Variants in SH3BGRL2 observed in about 807,000 individuals in gnomAD.
SH3BGRL2 encodes the protein SH3 domain-binding glutamic acid-rich-like protein 2.
Under a neutral mutation model 14.8 loss-of-function variants are expected in SH3BGRL2, and 21 were observed. The observed-to-expected ratio is 1.42, with a 90% CI of 1.01 to 2.05. The LOEUF (loss-of-function observed/expected upper bound fraction) is 2.05, where lower values mean the gene tolerates loss of function less well. Ranked by LOEUF, SH3BGRL2 falls within the 30% of genes most tolerant of loss-of-function variation. SH3BGRL2 has a pLI of 0.00. For synonymous variants in SH3BGRL2, 50 were observed against 47.8 expected (o/e 1.05, Z -0.19); for missense variants, 147 against 130.8 (o/e 1.12, Z -0.61).
chr6:79,665,000 G>A lies in SH3BGRL2; in HGVS notation c.46-8614G>A, dbSNP rs192749912. Among the ~76,000 whole-genome samples the A allele has an allele frequency of 1.7e-3, 257 of 152,258 alleles. 1 individual carries two copies. The highest frequency in any genetic ancestry group is 5.9e-3 in the African/African-American group (246 of 41,552). Reference sequence around the variant, plus strand: ...GCAGATCATGAGGTCAGGAGTTTGAGACCAGCCTGACCAACATGGTGAAAC... The same window carrying A: ...GCAGATCATGAGGTCAGGAGTTTGAAACCAGCCTGACCAACATGGTGAAAC... On this transcript the variant is annotated intron_variant, in intron 1 of 3. Coordinates refer to ENST00000369838, the MANE Select transcript of SH3BGRL2 (RefSeq NM_031469.4).
the SH3BGRL2 span, among the ~76,000 whole-genome samples, chr6:79,601,047 T>G: frequency 6.6e-6 from 1 of 152,208 alleles, no homozygotes. Context: ...AGTTGAAGGA[T>G]TTCATGTCCT....
intron 2 of SH3BGRL2, among the ~76,000 whole-genome samples, chr6:79,683,805 C>T (rs1231227218): frequency 1.3e-5 from 2 of 152,152 alleles, no homozygotes; most frequent in Non-Finnish European, 2.9e-5. Context: ...CTGGACATTC[C>T]ATTCACATTT....
At chr6:79,638,498 A>T (rs1768969192) in intron 1 of SH3BGRL2, among the ~76,000 whole-genome samples, 1 of 152,012 alleles carries the variant, frequency 6.6e-6, no homozygotes, top group South Asian at 2.1e-4. Flanking sequence ...TGGTAGTTCC[A>T]TTTGTGGTTT....
chr6:79,692,240 T>C (rs1770234854), intron 2 of SH3BGRL2, among the ~76,000 whole-genome samples: 1 of 152,230 alleles, frequency 6.6e-6, no homozygotes, highest in Non-Finnish European at 1.5e-5. Context: ...GAGTTCATTG[T>C]AGATTCTGGA....
intron 3 of SH3BGRL2, among the ~76,000 whole-genome samples, chr6:79,698,549 G>A (rs946986775): frequency 2.0e-5 from 3 of 152,196 alleles, no homozygotes; most frequent in Non-Finnish European, 2.9e-5. Context: ...CTTGGTAGGA[G>A]AGGACATTCA....
At chr6:79,591,448 C>T in the SH3BGRL2 span, among the ~76,000 whole-genome samples, 4 of 152,014 alleles carry the variant, frequency 2.6e-5, no homozygotes, top group Non-Finnish European at 4.4e-5. Context: ...TCTTGCTCTG[C>T]GCCAGGCTGG....
chr6:79,612,795 T>C, the SH3BGRL2 span, among the ~76,000 whole-genome samples: 1 of 152,216 alleles, frequency 6.6e-6, no homozygotes, highest in Non-Finnish European at 1.5e-5. Flanking sequence ...GCTCAGTGTT[T>C]AGTATTTGCC....
chr6:79,562,172 G>C, the SH3BGRL2 span, among the ~76,000 whole-genome samples: 2 of 152,078 alleles, frequency 1.3e-5, no homozygotes, highest in African/African-American at 2.4e-5. Context: ...CATTTGTGTA[G>C]TCCTGTAGAA....
At chr6:79,686,693 A>G (rs1582737893) in intron 2 of SH3BGRL2, among the ~76,000 whole-genome samples, 1 of 152,146 alleles carries the variant, frequency 6.6e-6, no homozygotes, top group South Asian at 2.1e-4. Flanking sequence ...TAAGTTTTGT[A>G]TATTCTGTAA....
chr6:79,607,497 T>C, the SH3BGRL2 span, among the ~76,000 whole-genome samples: 27 of 152,192 alleles, frequency 1.8e-4, no homozygotes, highest in Admixed American at 1.6e-3. Flanking sequence ...CCCATAGATC[T>C]ATGGCATTGT....
At chr6:79,610,794 T>C in the SH3BGRL2 span, among the ~76,000 whole-genome samples, 1 of 152,236 alleles carries the variant, frequency 6.6e-6, no homozygotes, top group African/African-American at 2.4e-5. Context: ...TAACTTACAT[T>C]GAACGTCCTG....
chr6:79,602,557 T>C, the SH3BGRL2 span, among the ~76,000 whole-genome samples: 1 of 152,150 alleles, frequency 6.6e-6, no homozygotes, highest in African/African-American at 2.4e-5. Context: ...TTAATATGCT[T>C]AAGTAAGAGC....
At chr6:79,645,649 G>A (rs900931927) in intron 1 of SH3BGRL2, among the ~76,000 whole-genome samples, 4 of 152,166 alleles carry the variant, frequency 2.6e-5, no homozygotes, top group East Asian at 1.9e-4. Context: ...AGATTATATC[G>A]AGAAGGCTAT....
intron 2 of SH3BGRL2, among the ~76,000 whole-genome samples, chr6:79,675,575 G>A (rs752413158): frequency 6.6e-5 from 10 of 151,662 alleles, no homozygotes; most frequent in Non-Finnish European, 1.0e-4. Flanking sequence ...CCTTTCTCTT[G>A]AGTGCCTATT....
intron 2 of SH3BGRL2, among the ~76,000 whole-genome samples, chr6:79,690,566 A>G (rs529575031): frequency 6.6e-6 from 1 of 152,216 alleles, no homozygotes; most frequent in Non-Finnish European, 1.5e-5. Context: ...TGGCGTTCCA[A>G]GGGATTTCAC....
At chr6:79,676,948 G>A (rs904596368) in intron 2 of SH3BGRL2, among the ~76,000 whole-genome samples, 1 of 152,148 alleles carries the variant, frequency 6.6e-6, no homozygotes, top group Non-Finnish European at 1.5e-5. Context: ...ACTGTGCCAG[G>A]TCAATGGCAT....
intron 1 of SH3BGRL2, among the ~76,000 whole-genome samples, chr6:79,659,262 T>C (rs962146926): frequency 1.2e-4 from 19 of 152,232 alleles, no homozygotes; most frequent in Non-Finnish European, 4.4e-5. Flanking sequence ...TGGGTTTTTA[T>C]GGTTTTAGGT....
At chr6:79,686,209 G>C (rs1337163194) in intron 2 of SH3BGRL2, among the ~76,000 whole-genome samples, 2 of 152,140 alleles carry the variant, frequency 1.3e-5, no homozygotes, top group Non-Finnish European at 2.9e-5. Flanking sequence ...AATTTCATCA[G>C]TATGTGCCTT....
the SH3BGRL2 span, among the ~76,000 whole-genome samples, chr6:79,618,654 C>G: frequency 2.6e-5 from 4 of 151,698 alleles, no homozygotes; most frequent in Non-Finnish European, 5.9e-5. Context: ...TGCAGTGAGC[C>G]GAGATCAAGC....
Sources: allele counts gnomAD v4.1 joint callset (sites outside exome capture counted in the v4.1 genomes callset), GRCh38; gene constraint gnomAD v4.1.1; transcripts MANE v1.5; gene names NCBI Gene and HGNC (gene_info 2026-07-23, HGNC 2026-07-21).